The following FRMPD4 variants were observed in gnomAD, a reference collection of about 807,000 sequenced individuals.
The protein encoded by FRMPD4 is FERM and PDZ domain containing 4, also known as FERM and PDZ domain-containing protein 4.
In FRMPD4, 22 loss-of-function variants were observed where a neutral mutation model predicts 94.1. The observed-to-expected ratio is 0.23, with a 90% confidence interval of 0.17 to 0.33. FRMPD4 has a LOEUF of 0.33. Among genes scored for constraint, FRMPD4 ranks in the 10% least tolerant of loss-of-function variants. The pLI is 1.00. For missense variants in FRMPD4, 1,111 were observed against 1,339.9 expected (o/e 0.83, Z 2.67); for synonymous variants, 631 against 548.6 (o/e 1.15, Z -2.10).
chrX:12,257,182 A>T (rs1390608382), intron 1 of FRMPD4, among the ~76,000 whole-genome samples: 1 of 112,141 alleles, frequency 8.9e-6, no homozygotes, highest in East Asian at 2.8e-4. Context: ...ACAAGTCATT[A>T]TGTTTCACCA....
chrX:11,915,407 A>G (rs1404354924), intron 3 of FRMPD4, among the ~76,000 whole-genome samples: 2 of 112,416 alleles, frequency 1.8e-5, no homozygotes, highest in African/African-American at 3.2e-5. Context: ...ATGCTGCCCT[A>G]CATTTGTGTT....
At chrX:12,349,542 A>C (rs2055769301) in intron 1 of FRMPD4, among the ~76,000 whole-genome samples, 1 of 111,393 alleles carries the variant, frequency 9.0e-6, no homozygotes, top group Non-Finnish European at 1.9e-5. Flanking sequence ...AGAAATGCAA[A>C]AAAGAGACAT....
At position 12,219,975 on chromosome X, in the gene FRMPD4, C is replaced by T. The variant is rs191658930; in HGVS notation, c.41+80963C>T. 3.6e-5 allele frequency among the ~76,000 whole-genome samples: 4 copies of T among 111,779 alleles called. No homozygotes were observed. The East Asian group carries it at 1.1e-3, about 32-fold the overall frequency. ...CGACCAACATGGAGAAACCCTGTCTCTACCAAAAATACAAAATTAGCCTGG... is the reference window on the plus strand; with the variant it reads ...CGACCAACATGGAGAAACCCTGTCTTTACCAAAAATACAAAATTAGCCTGG... On this transcript the variant is annotated intron_variant, in intron 1 of 16. Transcript: ENST00000675598.
At chrX:12,331,770 ATATAT>A (rs549478247) in intron 1 of FRMPD4, among the ~76,000 whole-genome samples, 3 of 62,997 alleles carry the variant, frequency 4.8e-5, no homozygotes, top group African/African-American at 1.5e-4. Context: ...TATATAAATT[ATATAT>A]TATATATTTA....
At chrX:12,257,741 T>C (rs747772640) in intron 1 of FRMPD4, among the ~76,000 whole-genome samples, 62 of 111,799 alleles carry the variant, frequency 5.5e-4, no homozygotes, top group Non-Finnish European at 9.6e-4. Context: ...ATCCCAACGC[T>C]TGTTTTAGGT....
At chrX:12,404,617 C>T (rs754682441) in intron 1 of FRMPD4, among the ~76,000 whole-genome samples, 3 of 112,242 alleles carry the variant, frequency 2.7e-5, no homozygotes, top group Non-Finnish European at 5.6e-5. Context: ...TATCTCACAT[C>T]TGGATGAACA....
In FRMPD4 at chrX:12,716,488, G is replaced by A. The variant is rs1291083469; in HGVS notation, c.2029G>A (p.Glu677Lys). 1.7e-6 allele frequency: 2 copies of A among 1,210,617 alleles called. No individual in the cohort carries two copies. Among genetic ancestry groups the A allele is most frequent in the Non-Finnish European group, 2.2e-6 (2 of 894,764 alleles). The change falls in exon 15 of 17, where the codon GAG becomes AAG. Residue 677 changes from glutamate (E) to lysine (K), a missense_variant. Transcript: ENST00000675598. The stretch of plus-strand genomic sequence containing the variant: ...CCTTGGCTATGAAACGCTACTAGAT[G>A]AGGGTCCTGAAATGCTGGAGAAGCA... ...PTLGYETLLD[E>K]GPEMLEKQRN...
chrX:12,576,063 G>A, intron 2 of FRMPD4, among the ~76,000 whole-genome samples: 1 of 112,099 alleles, frequency 8.9e-6, no homozygotes, highest in East Asian at 2.8e-4. Flanking sequence ...ACAGTTCCAG[G>A]GAGGACTGAC....
At chrX:12,265,661 A>G (rs1253975453) in intron 1 of FRMPD4, among the ~76,000 whole-genome samples, 2 of 110,345 alleles carry the variant, frequency 1.8e-5, no homozygotes, top group African/African-American at 6.6e-5. Flanking sequence ...ATATAAACAA[A>G]TATGTCATGT....
intron 3 of FRMPD4, among the ~76,000 whole-genome samples, chrX:11,904,406 G>A (rs140281338): frequency 0.021 from 2,313 of 111,970 alleles, 28 homozygotes; most frequent in Middle Eastern, 0.042. Context: ...CTCTTTCATC[G>A]AGTCCTGTTT....
At chrX:11,979,878 A>G (rs1480794366) in intron 3 of FRMPD4, among the ~76,000 whole-genome samples, 1 of 111,887 alleles carries the variant, frequency 8.9e-6, no homozygotes, top group African/African-American at 3.2e-5. Context: ...CTATAAATGA[A>G]TTCATCCAAA....
intron 1 of FRMPD4, among the ~76,000 whole-genome samples, chrX:12,168,298 T>C (rs1427667581): frequency 9.3e-6 from 1 of 107,838 alleles, no homozygotes; most frequent in African/African-American, 3.4e-5. Flanking sequence ...GTTAAGTCAC[T>C]AATACTTTGG....
rs1415498921 is a variant in FRMPD4, at chrX:12,694,352, C to G, written c.831C>G (p.Ser277Arg). The G allele has an allele frequency of 8.4e-7, 1 of 1,194,100 alleles. No homozygotes were observed. The highest frequency in any genetic ancestry group is 1.8e-5 in the African/African-American group (1 of 56,931). ...ETLTQVTQRP[S>R]SHKMRCLFRI... ...TCTTCCAGGTGACACAGAGGCCCAG[C>G]TCCCATAAGATGAGATGTCTTTTCC... Residue 277 changes from serine (S) to arginine (R), a missense_variant, in exon 9 of 17, where the codon AGC (serine) becomes AGG (arginine). Physicochemically the swap from Ser to Arg is moderately radical, Grantham distance 110. Transcript: ENST00000675598.
intron 11 of FRMPD4, among the ~76,000 whole-genome samples, chrX:12,705,377 C>G (rs1335565349): frequency 8.9e-6 from 1 of 111,990 alleles, no homozygotes; most frequent in Non-Finnish European, 1.9e-5. Context: ...AACTGAAGAA[C>G]ACTTTCCAAT....
intron 1 of FRMPD4, among the ~76,000 whole-genome samples, chrX:12,485,228 G>A (rs1254564293): frequency 8.9e-6 from 1 of 112,477 alleles, no homozygotes; most frequent in African/African-American, 3.2e-5. Flanking sequence ...ATTTCTGTAG[G>A]AATATCTATT....
At chrX:12,452,952 A>ATAAT (rs2057290132) in intron 1 of FRMPD4, among the ~76,000 whole-genome samples, 1 of 112,204 alleles carries the variant, frequency 8.9e-6, no homozygotes, top group Admixed American at 9.4e-5. Context: ...CGGCATGGAT[A>ATAAT]TAATTATCTC....
At chrX:12,277,556 G>A (rs745948815) in intron 1 of FRMPD4, among the ~76,000 whole-genome samples, 4 of 112,085 alleles carry the variant, frequency 3.6e-5, no homozygotes, top group African/African-American at 1.3e-4. Flanking sequence ...CCAGTCTCTG[G>A]TGATAAGACT....
At chrX:12,412,535 A>C (rs1245943806) in intron 1 of FRMPD4, among the ~76,000 whole-genome samples, 2 of 112,560 alleles carry the variant, frequency 1.8e-5, no homozygotes, top group African/African-American at 6.5e-5. Context: ...AGTGATGTCT[A>C]GTACTTCTTA....
At chrX:11,968,006 T>C (rs760558897) in intron 3 of FRMPD4, among the ~76,000 whole-genome samples, 1 of 110,660 alleles carries the variant, frequency 9.0e-6, no homozygotes, top group Non-Finnish European at 1.9e-5. Flanking sequence ...TCCATTTTCC[T>C]GTGATCAGCT....
Sources: allele counts gnomAD v4.1 joint callset (sites outside exome capture counted in the v4.1 genomes callset), GRCh38; gene constraint gnomAD v4.1.1; transcripts MANE v1.5; gene names NCBI Gene and HGNC (gene_info 2026-07-23, HGNC 2026-07-21).